MAST3: variants seen among roughly 807,000 people sequenced by gnomAD.
MAST3 encodes the protein microtubule associated serine/threonine kinase 3.
Under a neutral mutation model 127.0 loss-of-function variants are expected in MAST3, and 43 were observed. The ratio of observed to expected loss-of-function variants is 0.34; its 90% CI spans 0.27 to 0.44. MAST3 has a LOEUF of 0.44. Ranked by LOEUF, MAST3 falls within the 20% of genes least tolerant of loss-of-function variation. MAST3 has a pLI of 1.00. For synonymous variants in MAST3, 785 were observed against 809.2 expected, an observed-to-expected ratio of 0.97 and a Z score of 0.51; for missense variants, 1,390 against 1,919.1, an observed-to-expected ratio of 0.72 and a Z score of 5.15.
chr19:18,137,690 C>T (rs1361619060), intron 19 of MAST3, among the ~76,000 whole-genome samples: 3 of 152,116 alleles, frequency 2.0e-5, no homozygotes, highest in East Asian at 3.9e-4. Flanking sequence ...CATGGGGCCC[C>T]ATCTGTTACC....
chr19:18,119,209 G>A (rs2039658381), intron 3 of MAST3, among the ~76,000 whole-genome samples: 1 of 152,200 alleles, frequency 6.6e-6, no homozygotes, highest in Admixed American at 6.5e-5. Flanking sequence ...ATTTGGCCGT[G>A]TTTTCAAGAA....
In MAST3 at chr19:18,149,985, CTTTTTTTTT is replaced by C; in HGVS notation, c.*270_*278del. Reference sequence around the variant, plus strand: ...GCAACTAATTTATTACTTTTTTTTTCTTTTTTTTTTTTTTTTTTTGAGACAGAGTCTCAC... The same window carrying C: ...GCAACTAATTTATTACTTTTTTTTTCTTTTTTTTTTGAGACAGAGTCTCAC... On this transcript the variant is annotated 3_prime_UTR_variant, in exon 28 of 28. Transcript: ENST00000687212. The surrounding 1 kb of genome is among the most constrained non-coding windows in gnomAD (Gnocchi z 5.9). 5.1e-6 allele frequency: 1 copy of C among 194,924 alleles called. No homozygotes were observed. The allele number at this position is 194,924 out of a possible 1,614,324, so 12.1% of individuals were successfully genotyped here. A position where few individuals can be genotyped will look rare whatever the true frequency, so the allele number is the denominator to read the frequency against.
Position 18,144,708 on chromosome 19 carries a change from C to A in MAST3, c.2812+15C>A. On this transcript the variant is annotated intron_variant, in intron 23 of 27. Coordinates refer to ENST00000687212, the MANE Select transcript of MAST3 (RefSeq NM_001393504.1). The surrounding 1 kb of genome is among the most constrained non-coding windows in gnomAD (Gnocchi z 4.0). ...CATCACGGCAGGTAATGCCCAAGGC[C>A]CCTCTCACCTTTGTCTGTCTGCACC... 6.2e-7 allele frequency: 1 copy of A among 1,603,652 alleles called. No homozygotes were observed. The highest frequency in any genetic ancestry group is 1.3e-5 in the African/African-American group (1 of 75,036).
At chr19:18,126,836 A>G (rs1336956550) in intron 11 of MAST3, among the ~76,000 whole-genome samples, 2 of 151,462 alleles carry the variant, frequency 1.3e-5, no homozygotes, top group Non-Finnish European at 2.9e-5. Context: ...GCTGGAGTGC[A>G]GTGGCACGAT....
intron 25 of MAST3, among the ~76,000 whole-genome samples, chr19:18,146,181 G>A (rs1312925872): frequency 6.6e-6 from 1 of 152,210 alleles, no homozygotes; most frequent in Non-Finnish European, 1.5e-5. Context: ...GCACACGCCT[G>A]TAATCCCAGC....
chr19:18,141,362 G>C (rs1415024606), intron 20 of MAST3, among the ~76,000 whole-genome samples: 1 of 134,918 alleles, frequency 7.4e-6, no homozygotes, highest in Non-Finnish European at 1.5e-5. Flanking sequence ...GGAATCACTG[G>C]ACTAAGCCAG....
intron 11 of MAST3, among the ~76,000 whole-genome samples, chr19:18,127,449 C>G (rs942253483): frequency 6.6e-6 from 1 of 151,984 alleles, no homozygotes; most frequent in Admixed American, 6.6e-5. Flanking sequence ...TTTGGGAGGC[C>G]GAGGCAGGCG....
chr19:18,107,018 G>T (rs4808745), intron 1 of MAST3, among the ~76,000 whole-genome samples: 32,626 of 115,868 alleles, frequency 0.28, 3,851 homozygotes, highest in Middle Eastern at 0.38. Context: ...GTTTCACTCT[G>T]TTGCCCAGGC....
At chr19:18,132,687 T>C (rs1326812763) in intron 15 of MAST3, among the ~76,000 whole-genome samples, 1 of 152,182 alleles carries the variant, frequency 6.6e-6, no homozygotes, top group Non-Finnish European at 1.5e-5. Context: ...CCTCTGCATT[T>C]ATTGAGCGCC....
In MAST3 at chr19:18,137,238, G is replaced by T; in HGVS notation, c.1973-1G>T. 1 of 1,612,436 alleles carries T rather than the reference G, an allele frequency of 6.2e-7. No homozygotes were observed. The highest frequency in any genetic ancestry group is 8.5e-7 in the Non-Finnish European group (1 of 1,178,952). On this transcript the variant is annotated splice_acceptor_variant, in intron 18 of 27. Transcript: ENST00000687212. LOFTEE classifies it high-confidence loss of function. ...CAGGGCTCAGCGGGGCATATCTGCA[G>T]GTGGCACCCACGAAGTGAAGCAGCA...
At chr19:18,104,739 TAA>T (rs577062642) in intron 1 of MAST3, among the ~76,000 whole-genome samples, 24 of 152,292 alleles carry the variant, frequency 1.6e-4, no homozygotes, top group African/African-American at 5.3e-4. Flanking sequence ...CCTCTGCACC[TAA>T]GTTTCCCTGC....
At chr19:18,139,288 A>C (rs1275239257) in intron 20 of MAST3, among the ~76,000 whole-genome samples, 164 bp downstream of exon 20, 1 of 150,802 alleles carries the variant, frequency 6.6e-6, no homozygotes, top group Non-Finnish European at 1.5e-5. Context: ...TGATCCTCCC[A>C]CCTCAGCCTC....
Position 18,132,878 on chromosome 19 carries a change from G to A in MAST3, c.1571+831G>A, listed in dbSNP as rs553493583. Among the ~76,000 whole-genome samples the A allele has an allele frequency of 9.2e-5, 14 of 152,272 alleles. No homozygotes were observed. In the South Asian group the frequency reaches 2.1e-3, roughly 23 times the overall value. On this transcript the variant is annotated intron_variant, in intron 15 of 27. Coordinates refer to ENST00000687212, the MANE Select transcript of MAST3 (RefSeq NM_001393504.1). ...AGCACTTTGGGAGGCCAAGGCGGGC[G>A]GATCACCTGAGGTCAGGAGTTCAAG... is the stretch of plus-strand genomic sequence containing the variant.
intron 15 of MAST3, 40 bp from the exon 16 acceptor site, chr19:18,134,539 C>A: frequency 6.4e-7 from 1 of 1,572,826 alleles, no homozygotes. Flanking sequence ...CCAGGCACCC[C>A]AGCCCCCCAG....
At chr19:18,148,924 A>C (rs953634351) in intron 27 of MAST3, among the ~76,000 whole-genome samples, 1 of 150,552 alleles carries the variant, frequency 6.6e-6, no homozygotes, top group African/African-American at 2.4e-5. Flanking sequence ...TTAGCCAGCC[A>C]TGGTGACGTG....
At chr19:18,143,576 TAAAA>T (rs571620914) in intron 21 of MAST3, among the ~76,000 whole-genome samples, 183 bp from the exon 22 acceptor site, 5 of 150,720 alleles carry the variant, frequency 3.3e-5, no homozygotes, top group Non-Finnish European at 7.4e-5. Flanking sequence ...ACCCTGTCTT[TAAAA>T]AAAAAGGTGA....
intron 5 of MAST3, among the ~76,000 whole-genome samples, chr19:18,122,280 A>G (rs533003450): frequency 6.6e-6 from 1 of 152,262 alleles, no homozygotes; most frequent in Admixed American, 6.5e-5. Flanking sequence ...TTATTTATTC[A>G]TACAACAACA....
intron 21 of MAST3, among the ~76,000 whole-genome samples, chr19:18,142,347 CTTTT>C (rs776007010): frequency 8.2e-6 from 1 of 122,198 alleles, no homozygotes; most frequent in Non-Finnish European, 1.7e-5. Flanking sequence ...GGAAGCTGGC[CTTTT>C]TTTTTTTTTT....
intron 1 of MAST3, among the ~76,000 whole-genome samples, chr19:18,101,470 G>C (rs1358913865): frequency 6.6e-6 from 1 of 151,538 alleles, no homozygotes; most frequent in Non-Finnish European, 1.5e-5. Flanking sequence ...ACTTCCAACC[G>C]GGCTTGGTGC....
Sources: allele counts gnomAD v4.1 joint callset (sites outside exome capture counted in the v4.1 genomes callset), GRCh38; gene constraint gnomAD v4.1.1; non-coding constraint Gnocchi (gnomAD v3.1); transcripts MANE v1.5; gene names NCBI Gene and HGNC (gene_info 2026-07-23, HGNC 2026-07-21).